The following CPA6 variants were observed in gnomAD, a reference collection of about 807,000 sequenced individuals.
CPA6 encodes carboxypeptidase B.
CPA6 carries 58 observed loss-of-function variants against 63.3 expected under a neutral mutation model. The ratio of observed to expected loss-of-function variants is 0.92; its 90% CI spans 0.74 to 1.14. The LOEUF is 1.14. CPA6 is among the 50% of genes most tolerant of loss of function. The pLI, the probability that CPA6 is intolerant of heterozygous loss-of-function variation, is 0.00. For synonymous variants in CPA6, 185 were observed against 179.0 expected (o/e 1.03, Z -0.27); for missense variants, 565 against 526.6 (o/e 1.07, Z -0.71).
In CPA6 at chr8:67,685,583, C is replaced by A. The variant is rs1020035979; in HGVS notation, c.116+60431G>T. Among the ~76,000 whole-genome samples, 9 of 152,108 alleles carry A rather than the reference C, an allele frequency of 5.9e-5. 1 individual carries two copies. The highest frequency in any genetic ancestry group is 3.3e-4 in the Admixed American group (5 of 15,266). ...GCAGTGAGCCGAGATGGCGCCACTG[C>A]GTTCCAGCCTGGGTGACAGAGTGAG... On this transcript the variant is annotated intron_variant, in intron 1 of 10. Coordinates refer to ENST00000297770, the MANE Select transcript of CPA6 (RefSeq NM_020361.5).
At chr8:67,717,532 A>G (rs778310161) in intron 1 of CPA6, among the ~76,000 whole-genome samples, 6 of 152,228 alleles carry the variant, frequency 3.9e-5, no homozygotes, top group Non-Finnish European at 8.8e-5. Context: ...TCTTACCCAT[A>G]TGGTGTATAT....
chr8:67,655,354 T>A (rs889464097), intron 1 of CPA6, among the ~76,000 whole-genome samples: 2 of 152,122 alleles, frequency 1.3e-5, no homozygotes, highest in Non-Finnish European at 2.9e-5. Context: ...ATTAGCACAG[T>A]GTCTGTGATT....
At chr8:67,593,514 G>A (rs1019831544) in intron 2 of CPA6, among the ~76,000 whole-genome samples, 4 of 152,126 alleles carry the variant, frequency 2.6e-5, no homozygotes, top group African/African-American at 9.7e-5. Context: ...TATTGTGTGG[G>A]AGTCTAAGTC....
intron 8 of CPA6, among the ~76,000 whole-genome samples, chr8:67,444,525 T>TGTAA (rs892779798): frequency 6.6e-6 from 1 of 151,980 alleles, no homozygotes; most frequent in Non-Finnish European, 1.5e-5. Context: ...GGCTCATGCC[T>TGTAA]GTAATCCCAG....
chr8:67,427,305 T>G (rs1193225599), intron 10 of CPA6, among the ~76,000 whole-genome samples: 2 of 152,202 alleles, frequency 1.3e-5, no homozygotes, highest in African/African-American at 4.8e-5. Context: ...GATTTTTTTG[T>G]CCTGTTATTT....
At chr8:67,692,265 A>G (rs7834582) in intron 1 of CPA6, among the ~76,000 whole-genome samples, 70,267 of 150,014 alleles carry the variant, frequency 0.47, 19,502 homozygotes, top group African/African-American at 0.79. Context: ...GAATCCAGGA[A>G]GCAGAGGTTG....
intron 8 of CPA6, among the ~76,000 whole-genome samples, chr8:67,443,216 A>G (rs1382682242): frequency 6.6e-6 from 1 of 151,888 alleles, no homozygotes; most frequent in Non-Finnish European, 1.5e-5. Flanking sequence ...GCGCACCACC[A>G]TGCCTGGCTA....
chr8:67,473,595 G>C (rs755412980), intron 8 of CPA6, among the ~76,000 whole-genome samples: 2 of 152,030 alleles, frequency 1.3e-5, no homozygotes, highest in African/African-American at 2.4e-5. Flanking sequence ...CTAGTTTTAA[G>C]GGGATTTTAT....
intron 2 of CPA6, among the ~76,000 whole-genome samples, chr8:67,552,617 C>CA (rs1587551810): frequency 6.6e-6 from 1 of 151,250 alleles, no homozygotes; most frequent in Admixed American, 6.6e-5. Context: ...ACTAAAAATA[C>CA]AAAAAATTAG....
chr8:67,633,062 A>C (rs1367708051), intron 1 of CPA6, among the ~76,000 whole-genome samples: 1 of 152,180 alleles, frequency 6.6e-6, no homozygotes, highest in Non-Finnish European at 1.5e-5. Flanking sequence ...GAATATAAAA[A>C]CTTTTGATTC....
intron 2 of CPA6, among the ~76,000 whole-genome samples, chr8:67,592,917 C>T (rs1415558040): frequency 1.3e-5 from 2 of 151,506 alleles, no homozygotes; most frequent in Admixed American, 6.6e-5. Flanking sequence ...TATTTCTTGC[C>T]TTCTGCTAGC....
At chr8:67,595,371 A>T (rs1814299355) in intron 2 of CPA6, among the ~76,000 whole-genome samples, 1 of 152,176 alleles carries the variant, frequency 6.6e-6, no homozygotes, top group African/African-American at 2.4e-5. Flanking sequence ...CCGTTCTCAG[A>T]TCTCCAGCTG....
intron 2 of CPA6, among the ~76,000 whole-genome samples, chr8:67,603,666 T>C (rs898982627): frequency 6.6e-6 from 1 of 152,210 alleles, no homozygotes; most frequent in Admixed American, 6.5e-5. Context: ...GTTGTGGTAG[T>C]CCATATTTCG....
At chr8:67,653,464 T>C (rs1348505688) in intron 1 of CPA6, among the ~76,000 whole-genome samples, 3 of 148,924 alleles carry the variant, frequency 2.0e-5, no homozygotes, top group South Asian at 2.2e-4. Flanking sequence ...TCACATCCCT[T>C]GTAAGTTGGA....
chr8:67,599,491 G>GCT (rs776034227), intron 2 of CPA6, among the ~76,000 whole-genome samples: 2 of 152,066 alleles, frequency 1.3e-5, no homozygotes, highest in African/African-American at 2.4e-5. Flanking sequence ...TTCCCCGTGT[G>GCT]CTTCCCCTTA....
chr8:67,565,017 T>G (rs2128975226), intron 2 of CPA6, among the ~76,000 whole-genome samples: 1 of 152,314 alleles, frequency 6.6e-6, no homozygotes, highest in South Asian at 2.1e-4. Flanking sequence ...ATGTAACATG[T>G]GGTCGGATCA....
At chr8:67,652,204 C>T (rs938970846) in intron 1 of CPA6, among the ~76,000 whole-genome samples, 26 of 152,202 alleles carry the variant, frequency 1.7e-4, no homozygotes, top group African/African-American at 5.3e-4. Context: ...AATAAACATA[C>T]GTGTGCATGT....
chr8:67,718,287 T>A (rs1194643572), intron 1 of CPA6, among the ~76,000 whole-genome samples: 1 of 151,828 alleles, frequency 6.6e-6, no homozygotes, highest in Non-Finnish European at 1.5e-5. Context: ...TGTGAGGTAT[T>A]TTTTTTTAAT....
intron 2 of CPA6, among the ~76,000 whole-genome samples, chr8:67,582,833 C>G (rs1813811945): frequency 6.6e-6 from 1 of 152,128 alleles, no homozygotes; most frequent in Non-Finnish European, 1.5e-5. Flanking sequence ...GCAGGTTTCT[C>G]TTCAAAACCT....
Sources: gnomAD v4.1 joint callset for allele counts (sites outside exome capture counted in the v4.1 genomes callset) on GRCh38, gnomAD v4.1.1 for gene constraint, MANE v1.5 for transcripts, NCBI Gene and HGNC (gene_info 2026-07-23, HGNC 2026-07-21) for gene names.